ROBO2: variants seen among roughly 807,000 people sequenced by gnomAD.
ROBO2 encodes the protein roundabout guidance receptor 2, also known as roundabout homolog 2.
ROBO2 carries 53 observed loss-of-function variants against 160.8 expected under a neutral mutation model. The ratio of observed to expected loss-of-function variants is 0.33; its 90% CI spans 0.26 to 0.41. The LOEUF (loss-of-function observed/expected upper bound fraction) is 0.41. ROBO2 is among the 10% of genes least tolerant of loss of function. The pLI is 1.00. For synonymous variants in ROBO2, 664 were observed against 611.7 expected (o/e 1.09, Z -1.26); for missense variants, 1,577 against 1,722.4 (o/e 0.92, Z 1.49).
intron 2 of ROBO2, among the ~76,000 whole-genome samples, chr3:76,198,901 G>A (rs1702386605): frequency 6.6e-6 from 1 of 152,126 alleles, no homozygotes; most frequent in Non-Finnish European, 1.5e-5. Flanking sequence ...TGCATGTATT[G>A]ATTGATGTCT....
At chr3:76,204,797 G>A (rs1171196162) in intron 2 of ROBO2, among the ~76,000 whole-genome samples, 1 of 152,154 alleles carries the variant, frequency 6.6e-6, no homozygotes, top group Non-Finnish European at 1.5e-5. Flanking sequence ...TCACATGTGG[G>A]TGGGAGCATA....
At chr3:76,524,766 T>C (rs1348913284) in intron 2 of ROBO2, among the ~76,000 whole-genome samples, 1 of 133,854 alleles carries the variant, frequency 7.5e-6, no homozygotes, top group African/African-American at 2.8e-5. Flanking sequence ...GGTAGCACTT[T>C]GAAATATGCC....
At chr3:77,277,921 C>A (rs373633865) in intron 2 of ROBO2, among the ~76,000 whole-genome samples, 13 of 152,062 alleles carry the variant, frequency 8.5e-5, no homozygotes, top group Admixed American at 5.3e-4. Context: ...TACGTTACCA[C>A]CAACAGTGTA....
chr3:76,337,365 C>A lies in ROBO2; in HGVS notation c.109+399763C>A, dbSNP rs550371629. On this transcript the variant is annotated intron_variant, in intron 2 of 26. Transcript: ENST00000487694. ...ATTATCTTTAACTCAATTGTTAGGT[C>A]CACTTAGGTAAAATACATGGGTTGA... is the stretch of plus-strand genomic sequence containing the variant. Among the ~76,000 whole-genome samples the A allele has an allele frequency of 9.2e-5, 14 of 152,186 alleles. No individual in the cohort carries two copies. In the South Asian group the frequency reaches 2.9e-3, roughly 32 times the overall value.
intron 2 of ROBO2, among the ~76,000 whole-genome samples, chr3:77,265,182 C>G (rs1244370269): frequency 6.6e-6 from 1 of 152,124 alleles, no homozygotes; most frequent in South Asian, 2.1e-4. Context: ...GGGCAGGTAT[C>G]ACATTATCCC....
intron 2 of ROBO2, among the ~76,000 whole-genome samples, chr3:76,946,733 T>C (rs2078571724): frequency 6.6e-6 from 1 of 152,176 alleles, no homozygotes; most frequent in African/African-American, 2.4e-5. Context: ...CCACTGCGCC[T>C]GGCCTGGAAT....
chr3:77,074,831 C>T (rs570843026), intron 1 of ROBO2, among the ~76,000 whole-genome samples: 6 of 152,202 alleles, frequency 3.9e-5, no homozygotes, highest in South Asian at 2.1e-4. Context: ...AATGAGATGA[C>T]GGTGAGGCAA....
At chr3:76,130,112 T>C (rs2106663938) in intron 2 of ROBO2, among the ~76,000 whole-genome samples, 2 of 152,174 alleles carry the variant, frequency 1.3e-5, no homozygotes, top group East Asian at 3.9e-4. Context: ...TGTGGAGAGA[T>C]GGGAATTTTC....
At chr3:77,086,235 A>C (rs2069292547) in intron 1 of ROBO2, among the ~76,000 whole-genome samples, 1 of 152,080 alleles carries the variant, frequency 6.6e-6, no homozygotes, top group Non-Finnish European at 1.5e-5. Context: ...TAAAAGAGTT[A>C]TACATTATAA....
At chr3:77,476,648 G>A (rs550778278) in intron 2 of ROBO2, among the ~76,000 whole-genome samples, 60 of 152,264 alleles carry the variant, frequency 3.9e-4, no homozygotes, top group African/African-American at 1.4e-3. Context: ...CAGGAGCAGA[G>A]AAGCACAAGT....
intron 2 of ROBO2, among the ~76,000 whole-genome samples, chr3:76,077,502 G>A (rs997076503): frequency 6.6e-6 from 1 of 152,164 alleles, no homozygotes; most frequent in Admixed American, 6.5e-5. Flanking sequence ...GATGGAGGTT[G>A]CAGTGAACCA....
At chr3:76,962,126 G>A (rs1257015679) in intron 2 of ROBO2, among the ~76,000 whole-genome samples, 3 of 152,144 alleles carry the variant, frequency 2.0e-5, no homozygotes, top group Non-Finnish European at 2.9e-5. Context: ...CCTGAGGTCA[G>A]GAGTTCAAGA....
chr3:76,136,356 CA>C (rs1313194175), intron 2 of ROBO2, among the ~76,000 whole-genome samples: 1 of 151,800 alleles, frequency 6.6e-6, no homozygotes, highest in Non-Finnish European at 1.5e-5. Context: ...TTTTTATTGA[CA>C]AAAAATGACT....
intron 2 of ROBO2, among the ~76,000 whole-genome samples, chr3:77,358,337 A>G (rs1172901009): frequency 6.6e-6 from 1 of 151,914 alleles, no homozygotes; most frequent in Admixed American, 6.6e-5. Flanking sequence ...GTTTCTTTCC[A>G]TTGACTTTTT....
intron 2 of ROBO2, among the ~76,000 whole-genome samples, chr3:76,561,775 T>C (rs1027356825): frequency 1.3e-5 from 2 of 152,188 alleles, no homozygotes; most frequent in Non-Finnish European, 1.5e-5. Flanking sequence ...TACTCTTTGA[T>C]GCGGTCCTTT....
chr3:76,505,218 C>T (rs72900596), intron 2 of ROBO2, among the ~76,000 whole-genome samples: 7,784 of 152,014 alleles, frequency 0.051, 679 homozygotes, highest in African/African-American at 0.18. Context: ...AAAAGGAGTA[C>T]GACTGATGAT....
At chr3:76,394,610 C>G (rs1042884331) in intron 2 of ROBO2, among the ~76,000 whole-genome samples, 2 of 151,984 alleles carry the variant, frequency 1.3e-5, no homozygotes, top group Non-Finnish European at 2.9e-5. Context: ...TGGAGTTGCT[C>G]TTCTCGAGGA....
intron 2 of ROBO2, among the ~76,000 whole-genome samples, chr3:76,095,104 G>C (rs928907879): frequency 6.6e-6 from 1 of 152,048 alleles, no homozygotes; most frequent in Admixed American, 6.6e-5. Context: ...TTTAATTTTG[G>C]GCTGAGTATG....
At position 76,729,189 on chromosome 3, in the gene ROBO2, A is replaced by T. The variant is rs547254678; in HGVS notation, c.110-368825A>T. On this transcript the variant is annotated intron_variant, in intron 2 of 26. Coordinates refer to the ROBO2 transcript ENST00000487694. ...GTCATTTTCAGTTCCAGCTTAACAG[A>T]TTGAGCTCTATAAATGAATTGTGAC... Among the ~76,000 whole-genome samples the T allele has an allele frequency of 1.1e-4, 17 of 152,200 alleles. No homozygotes were observed. In the East Asian group the frequency reaches 3.3e-3, roughly 29 times the overall value.
Sources: gnomAD v4.1 joint callset for allele counts (sites outside exome capture counted in the v4.1 genomes callset) on GRCh38, gnomAD v4.1.1 for gene constraint, MANE v1.5 for transcripts, NCBI Gene and HGNC (gene_info 2026-07-23, HGNC 2026-07-21) for gene names.